NPEPPS: variants seen among roughly 807,000 people sequenced by gnomAD.
The protein encoded by NPEPPS is puromycin-sensitive aminopeptidase.
Under a neutral mutation model 115.5 loss-of-function variants are expected in NPEPPS, and 14 were observed. That is an observed-to-expected ratio of 0.12 (90% CI 0.08 to 0.19). NPEPPS has a LOEUF of 0.19. Ranked by LOEUF, NPEPPS falls within the 10% of genes least tolerant of loss-of-function variation. The pLI is 1.00. For missense variants in NPEPPS, 523 were observed against 1,110.8 expected, an observed-to-expected ratio of 0.47 and a Z score of 7.52; for synonymous variants, 285 against 390.6, an observed-to-expected ratio of 0.73 and a Z score of 3.19.
At chr17:47,576,311 T>C (rs1283761678) in intron 3 of NPEPPS, among the ~76,000 whole-genome samples, 5 of 152,130 alleles carry the variant, frequency 3.3e-5, no homozygotes, top group Non-Finnish European at 2.9e-5. Flanking sequence ...TGGTGACACA[T>C]GGCGAAACCC....
chr17:47,530,903 C>T (rs2143645123), upstream of NPEPPS, among the ~76,000 whole-genome samples: 1 of 151,740 alleles, frequency 6.6e-6, no homozygotes, highest in South Asian at 2.1e-4. Context: ...CGGCTCCTTC[C>T]AGTTGGAAGG....
intron 1 of NPEPPS, among the ~76,000 whole-genome samples, chr17:47,531,904 T>G (rs62073968): frequency 0.15 from 22,473 of 152,112 alleles, 1,919 homozygotes; most frequent in Non-Finnish European, 0.2. Flanking sequence ...TTGATAGTGT[T>G]CCGGGGGAGG....
At chr17:47,541,970 GTC>G (rs1423916270) in intron 1 of NPEPPS, among the ~76,000 whole-genome samples, 1 of 152,088 alleles carries the variant, frequency 6.6e-6, no homozygotes, top group African/African-American at 2.4e-5. Context: ...GTAATTTACT[GTC>G]TCTCATTTAG....
chr17:47,575,428 TAACA>T (rs1271380217), intron 3 of NPEPPS, among the ~76,000 whole-genome samples: 6 of 151,792 alleles, frequency 4.0e-5, no homozygotes, highest in African/African-American at 1.5e-4. Context: ...TTTCAAATAA[TAACA>T]AACAAGTTAG....
At chr17:47,597,772 G>A (rs1356365730) in intron 13 of NPEPPS, among the ~76,000 whole-genome samples, 1 of 152,168 alleles carries the variant, frequency 6.6e-6, no homozygotes, top group Non-Finnish European at 1.5e-5. Context: ...ACCAATTCTT[G>A]CACTCTCAAA....
At chr17:47,607,365 A>G (rs1042214360) in intron 17 of NPEPPS, among the ~76,000 whole-genome samples, 2 of 152,194 alleles carry the variant, frequency 1.3e-5, no homozygotes, top group Non-Finnish European at 2.9e-5. Flanking sequence ...AACAGCAAGT[A>G]CAAAAGACCT....
At chr17:47,602,637 CAA>C (rs753076891) in intron 15 of NPEPPS, among the ~76,000 whole-genome samples, 12 of 51,938 alleles carry the variant, frequency 2.3e-4, no homozygotes, top group Admixed American at 6.1e-4. Flanking sequence ...GACGCCATCT[CAA>C]AAAAAAAAAA....
intron 12 of NPEPPS, among the ~76,000 whole-genome samples, chr17:47,592,983 C>T (rs543132861): frequency 6.6e-6 from 1 of 152,176 alleles, no homozygotes; most frequent in East Asian, 1.9e-4. Flanking sequence ...CAATTCCCAC[C>T]CAAAATCTGA....
intron 10 of NPEPPS, among the ~76,000 whole-genome samples, chr17:47,591,097 C>T (rs1042928036): frequency 1.3e-5 from 2 of 152,160 alleles, no homozygotes; most frequent in Non-Finnish European, 2.9e-5. Context: ...TCTGGCCAGG[C>T]GCAGTGGCTT....
At chr17:47,583,771 AG>A (rs1567857824) in intron 5 of NPEPPS, among the ~76,000 whole-genome samples, 1 of 151,878 alleles carries the variant, frequency 6.6e-6, no homozygotes, top group Non-Finnish European at 1.5e-5. Context: ...AAAACTTAAA[AG>A]TTAGCCAGGT....
Position 47,596,376 on chromosome 17 carries a change from A to T in NPEPPS, c.1450A>T (p.Asn484Tyr). 2 of 1,586,324 alleles carry T rather than the reference A, an allele frequency of 1.3e-6. No homozygotes were observed. Among genetic ancestry groups the T allele is most frequent in the African/African-American group, 1.3e-5 (1 of 74,546 alleles). The change falls in exon 13 of 23, where the codon AAT becomes TAT. Residue 484 changes from asparagine (N) to tyrosine (Y), a missense_variant. This residue lies in a region of NPEPPS where 372 missense variants were observed against 542.6 expected (regional missense o/e 0.69). Coordinates refer to ENST00000322157, the MANE Select transcript of NPEPPS (RefSeq NM_006310.4). ...AGAGGATCTCTGGGAAAGTTTAGAA[A>T]ATGCTAGTGGTAAACCTATAGCAGC... is the stretch of plus-strand genomic sequence containing the variant. ...ATEDLWESLE[N>Y]ASGKPIAAVM...
chr17:47,531,280 G>A lies in NPEPPS; in HGVS notation c.-21G>A, dbSNP rs1435314509. On this transcript the variant is annotated 5_prime_UTR_variant, in exon 1 of 23. Coordinates refer to ENST00000322157, the MANE Select transcript of NPEPPS (RefSeq NM_006310.4). ...AGGCTCCCCCGGTCGCTCTCCTCCG[G>A]CGGTCGCCCGCGCTCGGTGGATGTG... 6.8e-7 allele frequency: 1 copy of A among 1,476,838 alleles called. No homozygotes were observed. Among genetic ancestry groups the A allele is most frequent in the Non-Finnish European group, 9.0e-7 (1 of 1,105,572 alleles). 91.5% of individuals were successfully genotyped at this position (1,476,838 alleles called of 1,614,324 possible). A position where few individuals can be genotyped will look rare whatever the true frequency, so the allele number is the denominator to read the frequency against.
chr17:47,590,395 A>G (rs1385249069), intron 9 of NPEPPS, among the ~76,000 whole-genome samples: 1 of 151,564 alleles, frequency 6.6e-6, no homozygotes, highest in Admixed American at 6.6e-5. Flanking sequence ...ATAGTGATAC[A>G]TGTCTGTAAT....
intron 2 of NPEPPS, among the ~76,000 whole-genome samples, chr17:47,565,274 G>A (rs974145418): frequency 1.3e-5 from 2 of 152,138 alleles, no homozygotes; most frequent in African/African-American, 4.8e-5. Context: ...ACTTTGGGAG[G>A]CCGAGGCTGG....
intron 2 of NPEPPS, among the ~76,000 whole-genome samples, chr17:47,557,722 T>A (rs1347597519): frequency 6.7e-6 from 1 of 149,080 alleles, no homozygotes; most frequent in Non-Finnish European, 1.5e-5. Flanking sequence ...CTGCTGCTTC[T>A]TTCCTATTTT....
intron 1 of NPEPPS, among the ~76,000 whole-genome samples, chr17:47,534,470 T>C (rs1908051348): frequency 6.6e-6 from 1 of 152,238 alleles, no homozygotes; most frequent in Non-Finnish European, 1.5e-5. Context: ...ACATGCAAGT[T>C]GCTTAGTTGC....
rs796293112 is a variant in NPEPPS, at chr17:47,579,608, G to T, written c.540+97G>T. ...GTGGGGTGATTATTTGAGGCTAGGT[G>T]CCCTTGGCCATGATTGTATTCACAA... On this transcript the variant is annotated intron_variant, in intron 4 of 22. Coordinates refer to ENST00000322157, the MANE Select transcript of NPEPPS (RefSeq NM_006310.4). 8.3e-6 allele frequency: 11 copies of T among 1,331,192 alleles called. No homozygotes were observed. In the African/African-American group the frequency reaches 1.5e-4, roughly 18 times the overall value. 82.5% of individuals were successfully genotyped at this position (1,331,192 alleles called of 1,614,324 possible).
At chr17:47,588,831 T>A (rs1238986760) in intron 9 of NPEPPS, among the ~76,000 whole-genome samples, 1 of 152,170 alleles carries the variant, frequency 6.6e-6, no homozygotes. Context: ...TTCCAAGGGC[T>A]TAGGGATAGG....
rs143918875 is a variant in NPEPPS, at chr17:47,560,707, A to G, written c.341-8710A>G. ...TTGTGGAGAAACAAAGTATGTTCCA[A>G]GTAGCAGGTGGTCACTGTAGGCCTT... On this transcript the variant is annotated intron_variant, in intron 2 of 22. Coordinates refer to ENST00000322157, the MANE Select transcript of NPEPPS (RefSeq NM_006310.4). Among the ~76,000 whole-genome samples the G allele has an allele frequency of 2.6e-3, 390 of 152,336 alleles. 1 individual carries two copies. Among genetic ancestry groups the G allele is most frequent in the African/African-American group, 9.1e-3 (378 of 41,580 alleles).
Sources: allele counts gnomAD v4.1 joint callset (sites outside exome capture counted in the v4.1 genomes callset), GRCh38; gene constraint gnomAD v4.1.1; regional missense constraint gnomAD v4.1.1; transcripts MANE v1.5; gene names NCBI Gene and HGNC (gene_info 2026-07-23, HGNC 2026-07-21).